The following MTCL1 variants were observed in gnomAD, a reference collection of about 807,000 sequenced individuals.
The protein encoded by MTCL1 is microtubule cross-linking factor 1.
MTCL1 carries 79 observed loss-of-function variants against 141.4 expected under a neutral mutation model. That is an observed-to-expected ratio of 0.56 (90% CI 0.47 to 0.67). MTCL1 has a LOEUF of 0.67. MTCL1 is among the 30% of genes least tolerant of loss of function. The pLI is 0.00. For synonymous variants in MTCL1, 914 were observed against 875.8 expected (o/e 1.04, Z -0.77); for missense variants, 2,177 against 2,113.9 (o/e 1.03, Z -0.59).
At chr18:8,761,573 T>C (rs989787172) in intron 4 of MTCL1, among the ~76,000 whole-genome samples, 6 of 152,262 alleles carry the variant, frequency 3.9e-5, no homozygotes, top group African/African-American at 1.4e-4. Flanking sequence ...GTATCTCATA[T>C]GTATTAGTCC....
At chr18:8,800,069 A>G (rs1313185010) in intron 10 of MTCL1, among the ~76,000 whole-genome samples, 1 of 152,202 alleles carries the variant, frequency 6.6e-6, no homozygotes, top group African/African-American at 2.4e-5. Context: ...TCACTAACGC[A>G]TGCACAACCC....
rs1179990419 is a variant in MTCL1, at chr18:8,829,370, G to A, written c.*18+406G>A. The A allele has an allele frequency of 3.0e-6, 3 of 985,302 alleles. No homozygotes were observed. In the African/African-American group the frequency reaches 5.2e-5, roughly 17 times the overall value. 61.0% of individuals were successfully genotyped at this position (985,302 alleles called of 1,614,324 possible). ...ATTTTGGTTATACGTGCACTGGCAT[G>A]TGCTGAAATGAGGTGTGACCCTAAT... On this transcript the variant is annotated intron_variant, in intron 16 of 16. Transcript: ENST00000359865.
chr18:8,784,155 T>A lies in MTCL1; in HGVS notation c.1043T>A (p.Leu348His), dbSNP rs528678574. ...TCAGCCAGGCTGCAGATCAGCGAGC[T>A]CAGCGGCAAGGTGCTCAAACTGCAG... Residue 348 changes from leucine (L) to histidine (H), a missense_variant, in exon 6 of 17, where the codon CTC becomes CAC. Transcript: ENST00000359865. 3 of 1,613,594 alleles carry A rather than the reference T, an allele frequency of 1.9e-6. No homozygotes were observed. The African/African-American group carries it at 4.0e-5, about 22-fold the overall frequency.
At chr18:8,725,795 T>A (rs2096205734) in intron 4 of MTCL1, among the ~76,000 whole-genome samples, 1 of 131,768 alleles carries the variant, frequency 7.6e-6, no homozygotes, top group South Asian at 2.6e-4. Context: ...TTTTTCTTTT[T>A]TTTTTTTTTT....
chr18:8,818,919 A>T (rs1461923211), intron 12 of MTCL1, 44 bp from the exon 12 acceptor site: 12 of 1,568,480 alleles, frequency 7.7e-6, no homozygotes, highest in Non-Finnish European at 8.7e-6. Flanking sequence ...AGACCATCAG[A>T]CAGAAAAGTG....
chr18:8,809,175 A>T (rs565698207), intron 11 of MTCL1, among the ~76,000 whole-genome samples: 1 of 152,346 alleles, frequency 6.6e-6, no homozygotes, highest in East Asian at 1.9e-4. Flanking sequence ...TCAAAAGATT[A>T]TTCTGGCTTC....
chr18:8,730,004 A>AT (rs907735155), intron 4 of MTCL1, among the ~76,000 whole-genome samples: 2 of 151,996 alleles, frequency 1.3e-5, no homozygotes, highest in African/African-American at 2.4e-5. Context: ...GTCAAGCTTC[A>AT]TTTTTTTGGC....
rs935783298 is a variant in MTCL1, at chr18:8,729,239, A to G, written c.357+8743A>G. On this transcript the variant is annotated intron_variant, in intron 4 of 16. Transcript: ENST00000359865. ...CCCAGCTAATTTCCGTATTTTTTGG[A>G]GAGACAGGGTTTTGCCATTTTGCTC... 2.2e-5 allele frequency among the ~76,000 whole-genome samples: 3 copies of G among 135,428 alleles called. No homozygotes were observed. In the East Asian group the frequency reaches 6.6e-4, roughly 30 times the overall value. 88.8% of individuals were successfully genotyped at this position (135,428 alleles called of 152,430 possible).
exon 10 of MTCL1, chr18:8,798,147 G>T: frequency 6.3e-7 from 1 of 1,595,216 alleles, no homozygotes; most frequent in Non-Finnish European, 8.5e-7. Context: ...GAGTCCAGGG[G>T]GGTCACCAGG....
intron 14 of MTCL1, 92 bp downstream of exon 13, chr18:8,821,590 C>G: frequency 4.7e-6 from 3 of 633,924 alleles, no homozygotes; most frequent in East Asian, 3.1e-5. Context: ...TTTTACCACT[C>G]TCTTCAAAAT....
chr18:8,829,037 G>A (rs2170297), intron 16 of MTCL1: 140,109 of 1,610,994 alleles, frequency 0.087, 6,445 homozygotes, highest in East Asian at 0.11. Flanking sequence ...GGCACCTGAC[G>A]CTCATCACCT....
intron 4 of MTCL1, among the ~76,000 whole-genome samples, chr18:8,723,227 C>T (rs534499759): frequency 2.6e-5 from 4 of 152,122 alleles, no homozygotes; most frequent in South Asian, 2.1e-4. Flanking sequence ...AAGCAGAGAA[C>T]GATGGTATCT....
chr18:8,828,947 C>G lies in MTCL1; in HGVS notation c.*1C>G, dbSNP rs773511873. ...GCTAACTGCCCCCTGGGGACTCTAG[C>G]CCTGCCCGCCTCACGCTGTAAGTGC... On this transcript the variant is annotated 3_prime_UTR_variant, in exon 16 of 17. Transcript: ENST00000359865. This position sits in a 1 kb window ranked among gnomAD's most constrained non-coding sequence, Gnocchi z 5.2. The G allele has an allele frequency of 5.0e-6, 8 of 1,614,232 alleles. 1 individual carries two copies. Among genetic ancestry groups the G allele is most frequent in the Non-Finnish European group, 6.8e-6 (8 of 1,180,042 alleles).
intron 4 of MTCL1, among the ~76,000 whole-genome samples, chr18:8,736,861 C>T (rs940014460): frequency 2.6e-5 from 4 of 152,122 alleles, no homozygotes; most frequent in South Asian, 2.1e-4. Flanking sequence ...AGGATGGTCT[C>T]GATCTCCTGA....
rs368659793 is a variant in MTCL1 at position 8,822,277 on chromosome 18, GGGTT to G, written c.3188+805_3188+808del. Among the ~76,000 whole-genome samples the G allele has an allele frequency of 1.0e-3, 155 of 152,070 alleles. No homozygotes were observed. Among genetic ancestry groups the G allele is most frequent in the African/African-American group, 3.2e-3 (132 of 41,428 alleles). ...CTCAGGCTCTAGAGCCAAACTGCCT[GGGTT>G]GGTTGGTTGGTTGGTTGGTTGGTTG... On this transcript the variant is annotated intron_variant, in intron 14 of 16. Transcript: ENST00000359865. This position sits in a 1 kb window ranked among gnomAD's most constrained non-coding sequence, Gnocchi z 4.6.
intron 12 of MTCL1, among the ~76,000 whole-genome samples, chr18:8,815,964 A>G (rs1414931023): frequency 6.6e-6 from 1 of 152,250 alleles, no homozygotes; most frequent in Non-Finnish European, 1.5e-5. Flanking sequence ...TGCTTCAGAC[A>G]TGCAATGGTG....
At chr18:8,806,412 G>A (rs1482840740) in intron 10 of MTCL1, among the ~76,000 whole-genome samples, 2 of 152,092 alleles carry the variant, frequency 1.3e-5, no homozygotes, top group Admixed American at 6.5e-5. Flanking sequence ...ATATATGTAG[G>A]TGAGTGTGTA....
At chr18:8,732,866 A>G (rs556141511) in intron 4 of MTCL1, among the ~76,000 whole-genome samples, 12 of 152,336 alleles carry the variant, frequency 7.9e-5, no homozygotes, top group South Asian at 2.1e-4. Context: ...CATCGTAGAT[A>G]TGCTTTCGTG....
At chr18:8,726,252 G>A (rs1598402595) in intron 4 of MTCL1, among the ~76,000 whole-genome samples, 1 of 141,246 alleles carries the variant, frequency 7.1e-6, no homozygotes, top group East Asian at 2.0e-4. Flanking sequence ...CTTTTGGGTA[G>A]TATTGGCTTG....
Sources: allele counts gnomAD v4.1 joint callset (sites outside exome capture counted in the v4.1 genomes callset), GRCh38; gene constraint gnomAD v4.1.1; non-coding constraint Gnocchi (gnomAD v3.1); transcripts MANE v1.5; gene names NCBI Gene and HGNC (gene_info 2026-07-23, HGNC 2026-07-21).